Variants in ARHGEF4 observed in about 807,000 individuals in gnomAD.
The protein encoded by ARHGEF4 is Rho guanine nucleotide exchange factor 4.
Under a neutral mutation model 162.0 loss-of-function variants are expected in ARHGEF4, and 119 were observed. The ratio of observed to expected loss-of-function variants is 0.73; its 90% CI spans 0.63 to 0.86. ARHGEF4 has a LOEUF of 0.86. Ranked by LOEUF, ARHGEF4 falls within the 40% of genes least tolerant of loss-of-function variation. ARHGEF4 has a pLI of 0.00. For missense variants in ARHGEF4, 2,488 were observed against 2,456.0 expected (o/e 1.01, Z -0.28); for synonymous variants, 1,014 against 979.9 (o/e 1.03, Z -0.65).
intron 4 of ARHGEF4, among the ~76,000 whole-genome samples, chr2:130,965,384 C>T (rs143129667): frequency 3.3e-5 from 5 of 152,362 alleles, no homozygotes; most frequent in African/African-American, 1.2e-4. Context: ...CTCATCTGCC[C>T]GTTCCCAAAA....
chr2:130,872,719 A>C (rs1678571033), intron 1 of ARHGEF4, among the ~76,000 whole-genome samples: 1 of 152,206 alleles, frequency 6.6e-6, no homozygotes, highest in Non-Finnish European at 1.5e-5. Flanking sequence ...TTTCGGGATT[A>C]TGGGTTGCAA....
At chr2:131,013,398 G>T (rs1688594705) in intron 4 of ARHGEF4, among the ~76,000 whole-genome samples, 1 of 152,254 alleles carries the variant, frequency 6.6e-6, no homozygotes, top group Middle Eastern at 3.4e-3. Flanking sequence ...CAGCATAAAA[G>T]GCCGAATGGT....
intron 4 of ARHGEF4, among the ~76,000 whole-genome samples, chr2:130,979,734 TAAAAA>T (rs776769283): frequency 2.2e-5 from 2 of 92,720 alleles, no homozygotes; most frequent in Non-Finnish European, 4.1e-5. Flanking sequence ...AGACTCCATC[TAAAAA>T]AAAAAAAAAA....
At chr2:130,988,680 TG>T (rs1474908601) in intron 4 of ARHGEF4, among the ~76,000 whole-genome samples, 2 of 152,130 alleles carry the variant, frequency 1.3e-5, no homozygotes, top group Non-Finnish European at 2.9e-5. Flanking sequence ...ATTCACTGGA[TG>T]TCACTAAATA....
chr2:131,035,045 C>T (rs977281409), intron 5 of ARHGEF4: 2 of 995,220 alleles, frequency 2.0e-6, no homozygotes, highest in Non-Finnish European at 2.4e-6. Context: ...CGGCTCGGCC[C>T]TGTGCGGCGG....
rs190849822 is a variant in ARHGEF4, at chr2:130,999,445, T to C, written c.3986-28500T>C. 2.2e-3 allele frequency among the ~76,000 whole-genome samples: 328 copies of C among 152,270 alleles called. 2 individuals are homozygous for C. Among genetic ancestry groups the C allele is most frequent in the Non-Finnish European group, 3.2e-3 (219 of 68,038 alleles). On this transcript the variant is annotated intron_variant, in intron 4 of 13. Transcript: ENST00000409359. ...TGCTGGGATTACAGGCATGAGCCAC[T>C]GTGCCCGGCCATAATCGAGTTTTAA...
chr2:130,866,026 C>G lies in ARHGEF4; in HGVS notation c.39+29034C>G, dbSNP rs117502627. ...AAATCCTGGGTCTTTTCTTCATGTGCTGCTAAGTTAGGTCCAGGGACCTGA... is the reference window on the plus strand; with the variant it reads ...AAATCCTGGGTCTTTTCTTCATGTGGTGCTAAGTTAGGTCCAGGGACCTGA... On this transcript the variant is annotated intron_variant, in intron 1 of 13. Transcript: ENST00000409359. Among the ~76,000 whole-genome samples, 140 of 152,242 alleles carry G rather than the reference C, an allele frequency of 9.2e-4. 5 individuals carry two copies. The East Asian group carries it at 0.02, about 22-fold the overall frequency.
rs140121455 is a variant in ARHGEF4, at chr2:131,037,598, C to T, written c.4126-1255C>T. On this transcript the variant is annotated intron_variant, in intron 5 of 13. Transcript: ENST00000409359. The stretch of plus-strand genomic sequence containing the variant: ...GCAGGGAGGGTCGTGGACCTCACCT[C>T]CTGTGCAGCCCCAGCCCACTCCTCC... 1.5e-3 allele frequency among the ~76,000 whole-genome samples: 226 copies of T among 151,986 alleles called. 2 individuals are homozygous for T. Among genetic ancestry groups the T allele is most frequent in the Non-Finnish European group, 2.6e-3 (177 of 67,952 alleles).
chr2:130,924,075 G>T (rs894544162), intron 2 of ARHGEF4, among the ~76,000 whole-genome samples: 2 of 151,246 alleles, frequency 1.3e-5, no homozygotes, highest in African/African-American at 4.9e-5. Context: ...TAGATACGGG[G>T]TTTCACCGTG....
chr2:130,962,841 C>G (rs1684712766), intron 4 of ARHGEF4, among the ~76,000 whole-genome samples: 1 of 152,148 alleles, frequency 6.6e-6, no homozygotes, highest in Non-Finnish European at 1.5e-5. Context: ...AGGGGAAGGC[C>G]ATCAGCAGCC....
At chr2:130,967,261 C>T (rs2105208941) in intron 4 of ARHGEF4, among the ~76,000 whole-genome samples, 1 of 152,316 alleles carries the variant, frequency 6.6e-6, no homozygotes, top group South Asian at 2.1e-4. Context: ...GAGGACTTCC[C>T]TTTGAGGCAT....
intron 4 of ARHGEF4, among the ~76,000 whole-genome samples, chr2:131,021,752 G>C (rs1195495955): frequency 6.6e-6 from 1 of 152,200 alleles, no homozygotes; most frequent in Non-Finnish European, 1.5e-5. Context: ...CCTCATCTTA[G>C]TGATACAGCT....
chr2:131,035,383 T>G, intron 5 of ARHGEF4: 2 of 883,766 alleles, frequency 2.3e-6, no homozygotes, highest in Non-Finnish European at 2.9e-6. Flanking sequence ...ATGTGCTCAC[T>G]ACCAGGGCCT....
At position 130,931,276 on chromosome 2, in the gene ARHGEF4, G is replaced by A; in HGVS notation, c.3858+19G>A. 2 of 1,578,426 alleles carry A rather than the reference G, an allele frequency of 1.3e-6. No homozygotes were observed. Among genetic ancestry groups the A allele is most frequent in the Non-Finnish European group, 1.7e-6 (2 of 1,159,718 alleles). Reference sequence around the variant, plus strand: ...AGTCAAGGTAAGCCACTCCCGGCCAGGAGTCCTCAGACTTGGTCTGGTATC... The same window carrying A: ...AGTCAAGGTAAGCCACTCCCGGCCAAGAGTCCTCAGACTTGGTCTGGTATC... On this transcript the variant is annotated intron_variant, in intron 3 of 13. Coordinates refer to ENST00000409359, the MANE Select transcript of ARHGEF4 (RefSeq NM_001367493.1).
intron 10 of ARHGEF4, among the ~76,000 whole-genome samples, chr2:131,042,679 G>C (rs1690910230): frequency 1.3e-5 from 2 of 152,214 alleles, no homozygotes. Context: ...GGGGCAGTCA[G>C]CTGTGAGGCG....
At chr2:131,024,072 G>A in intron 4 of ARHGEF4, among the ~76,000 whole-genome samples, 1 of 152,154 alleles carries the variant, frequency 6.6e-6, no homozygotes, top group South Asian at 2.1e-4. Context: ...ATCTGCACTG[G>A]TGATACAGTG....
At chr2:131,013,945 A>T (rs1044069534) in intron 4 of ARHGEF4, among the ~76,000 whole-genome samples, 1 of 152,200 alleles carries the variant, frequency 6.6e-6, no homozygotes. Context: ...TACCATGAAC[A>T]ATGATGGTGT....
At chr2:130,942,670 T>C (rs1210640906) in intron 3 of ARHGEF4, among the ~76,000 whole-genome samples, 1 of 152,218 alleles carries the variant, frequency 6.6e-6, no homozygotes, top group Non-Finnish European at 1.5e-5. Context: ...TCACTGGAAC[T>C]ATGGTGCAGT....
At chr2:130,843,292 G>GAGCC (rs1680733972) in intron 1 of ARHGEF4, among the ~76,000 whole-genome samples, 1 of 152,182 alleles carries the variant, frequency 6.6e-6, no homozygotes, top group African/African-American at 2.4e-5. Context: ...CTCTGCCAGG[G>GAGCC]AGCCACCTAC....
Sources: gnomAD v4.1 joint callset for allele counts (sites outside exome capture counted in the v4.1 genomes callset) on GRCh38, gnomAD v4.1.1 for gene constraint, MANE v1.5 for transcripts, NCBI Gene and HGNC (gene_info 2026-07-23, HGNC 2026-07-21) for gene names.